Variants in SEMA3A observed in about 807,000 individuals in gnomAD.
The protein encoded by SEMA3A is semaphorin-3A.
SEMA3A carries 29 observed loss-of-function variants against 97.9 expected under a neutral mutation model. The observed-to-expected ratio is 0.30, with a 90% CI of 0.22 to 0.40. The LOEUF is 0.40. SEMA3A is among the 10% of genes least tolerant of loss of function. The pLI, the probability that SEMA3A is intolerant of heterozygous loss-of-function variation, is 1.00. For missense variants in SEMA3A, 763 were observed against 951.3 expected, an observed-to-expected ratio of 0.80 and a Z score of 2.60; for synonymous variants, 321 against 323.7, an observed-to-expected ratio of 0.99 and a Z score of 0.09.
intron 3 of SEMA3A, among the ~76,000 whole-genome samples, chr7:84,285,970 C>CAAAAAAAAAAAAAAAAA (rs564063430): frequency 1.4e-5 from 1 of 70,156 alleles, no homozygotes; most frequent in Non-Finnish European, 3.3e-5. Flanking sequence ...GACCCCATCT[C>CAAAAAAAAAAAAAAAAA]AAAAAAAAAA....
intron 4 of SEMA3A, among the ~76,000 whole-genome samples, chr7:84,071,533 T>A (rs1052434311): frequency 1.3e-5 from 2 of 152,124 alleles, no homozygotes; most frequent in Non-Finnish European, 2.9e-5. Context: ...TCATTCTTCA[T>A]GTATTTGGAG....
At chr7:84,266,930 A>T (rs1800020939) in intron 3 of SEMA3A, among the ~76,000 whole-genome samples, 1 of 152,162 alleles carries the variant, frequency 6.6e-6, no homozygotes, top group African/African-American at 2.4e-5. Context: ...AATTTATGGA[A>T]ATCGTTTTAT....
chr7:84,472,223 G>C (rs933049142), intron 1 of SEMA3A, among the ~76,000 whole-genome samples: 1 of 152,152 alleles, frequency 6.6e-6, no homozygotes, highest in African/African-American at 2.4e-5. Flanking sequence ...AGTTAGGTTA[G>C]AGTCAAGAGA....
At chr7:84,135,374 G>C (rs943310903) in intron 1 of SEMA3A, among the ~76,000 whole-genome samples, 1 of 151,926 alleles carries the variant, frequency 6.6e-6, no homozygotes, top group Non-Finnish European at 1.5e-5. Context: ...GCCTCCCAAG[G>C]TGCTGGGATT....
At position 84,322,204 on chromosome 7, in the gene SEMA3A, G is replaced by C. The variant is rs774509646; in HGVS notation, c.-168-14912C>G. Among the ~76,000 whole-genome samples, 33 of 151,932 alleles carry C rather than the reference G, an allele frequency of 2.2e-4. 1 individual carries two copies. The Middle Eastern group carries it at 0.01, about 47-fold the overall frequency. ...TGCCCTTGACACATGGAGATTATGA[G>C]AGTTACAATTCAAAGTGAGATTTGG... On this transcript the variant is annotated intron_variant, in intron 2 of 3. Transcript: ENST00000424555.
intron 1 of SEMA3A, among the ~76,000 whole-genome samples, chr7:84,425,468 C>T (rs528070298): frequency 2.2e-5 from 3 of 135,674 alleles, no homozygotes; most frequent in East Asian, 4.3e-4. Flanking sequence ...TAAATATATA[C>T]ATATATTTAT....
chr7:84,305,854 T>C (rs1207943784), intron 3 of SEMA3A, among the ~76,000 whole-genome samples: 1 of 151,750 alleles, frequency 6.6e-6, no homozygotes, highest in Non-Finnish European at 1.5e-5. Flanking sequence ...TCCAGGAAAT[T>C]AGTATTGTGG....
At chr7:84,068,460 A>T (rs1793619277) in intron 4 of SEMA3A, among the ~76,000 whole-genome samples, 3 of 151,612 alleles carry the variant, frequency 2.0e-5, no homozygotes, top group Non-Finnish European at 4.4e-5. Flanking sequence ...CAAAAGAAAA[A>T]TTAGGAAATA....
At position 84,115,789 on chromosome 7, in the gene SEMA3A, C is replaced by T. The variant is rs866172168; in HGVS notation, c.334-5200G>A. Among the ~76,000 whole-genome samples the T allele has an allele frequency of 1.5e-4, 23 of 152,246 alleles. 1 individual carries two copies. The highest frequency in any genetic ancestry group is 5.5e-4 in the African/African-American group (23 of 41,566). The stretch of plus-strand genomic sequence containing the variant: ...AACCAGGAAAATTATGAAGTACTCA[C>T]AATCCTCACCCTGATTTCAAAAATG... On this transcript the variant is annotated intron_variant, in intron 3 of 16. Coordinates refer to ENST00000265362, the MANE Select transcript of SEMA3A (RefSeq NM_006080.3).
At chr7:84,429,696 G>T (rs1804927459) in intron 1 of SEMA3A, among the ~76,000 whole-genome samples, 1 of 150,518 alleles carries the variant, frequency 6.6e-6, no homozygotes, top group Admixed American at 6.7e-5. Context: ...GTGGGGGTAG[G>T]AGAGGATAGA....
chr7:84,132,668 T>TG (rs1562802073), intron 2 of SEMA3A, among the ~76,000 whole-genome samples: 8 of 45,524 alleles, frequency 1.8e-4, no homozygotes, highest in Non-Finnish European at 2.2e-4. Flanking sequence ...TGGTGTTTTT[T>TG]TTTTTTTTTT....
At chr7:84,169,377 C>T (rs1018471130) in intron 1 of SEMA3A, among the ~76,000 whole-genome samples, 3 of 150,688 alleles carry the variant, frequency 2.0e-5, no homozygotes, top group Admixed American at 1.3e-4. Flanking sequence ...TGTAATATAA[C>T]ATACTATTGT....
chr7:84,479,172 G>C (rs1014607677), intron 1 of SEMA3A, among the ~76,000 whole-genome samples: 2 of 152,058 alleles, frequency 1.3e-5, no homozygotes, highest in African/African-American at 4.8e-5. Context: ...CATCAAGTAG[G>C]GTCTGCTTTG....
chr7:84,043,425 A>T lies in SEMA3A; in HGVS notation c.667+2899T>A, dbSNP rs148493130. Among the ~76,000 whole-genome samples, 461 of 152,202 alleles carry T rather than the reference A, an allele frequency of 3.0e-3. 4 individuals are homozygous for T. The highest frequency in any genetic ancestry group is 0.01 in the African/African-American group (422 of 41,554). On this transcript the variant is annotated intron_variant, in intron 6 of 16. Transcript: ENST00000265362. ...AGGAACAAAAATTAAAAGTCATCTA[A>T]AATAGGTGAACTGATTCTTCCAAAA...
At chr7:84,004,833 A>G (rs1176200856) in intron 11 of SEMA3A, among the ~76,000 whole-genome samples, 1 of 152,218 alleles carries the variant, frequency 6.6e-6, no homozygotes, top group African/African-American at 2.4e-5. Flanking sequence ...AAGTAACGAT[A>G]GAAACTGGCC....
chr7:83,977,788 C>CT (rs139682272), intron 14 of SEMA3A, among the ~76,000 whole-genome samples: 53,921 of 140,934 alleles, frequency 0.38, 10,583 homozygotes, highest in Middle Eastern at 0.44. Context: ...TCAACCTATC[C>CT]TTTTTTTTTT....
intron 3 of SEMA3A, among the ~76,000 whole-genome samples, chr7:84,279,528 T>A (rs1164338675): frequency 6.6e-6 from 1 of 152,114 alleles, no homozygotes; most frequent in Admixed American, 6.6e-5. Context: ...GAGAGAGACA[T>A]GGCTACTGAT....
At chr7:84,176,090 T>A (rs1170025740) in intron 1 of SEMA3A, among the ~76,000 whole-genome samples, 1 of 133,916 alleles carries the variant, frequency 7.5e-6, no homozygotes, top group Admixed American at 7.5e-5. Flanking sequence ...CAATTATGTC[T>A]ATTTAGTGGT....
At chr7:84,196,351 CTT>C (rs1260908304), upstream of SEMA3A, among the ~76,000 whole-genome samples, 4 of 122,438 alleles carry the variant, frequency 3.3e-5, no homozygotes. Flanking sequence ...GCTCGCTCTG[CTT>C]TCTCTCTCTC....
Sources: gnomAD v4.1 joint callset for allele counts (sites outside exome capture counted in the v4.1 genomes callset) on GRCh38, gnomAD v4.1.1 for gene constraint, MANE v1.5 for transcripts, NCBI Gene and HGNC (gene_info 2026-07-23, HGNC 2026-07-21) for gene names.